The following COL23A1 variants were observed in gnomAD, a reference collection of about 807,000 sequenced individuals.
COL23A1 encodes the protein collagen type XXIII alpha 1 chain, also known as collagen alpha-1(XXIII) chain.
A neutral mutation model predicts 99.3 loss-of-function variants in COL23A1; 97 were observed. The ratio of observed to expected loss-of-function variants is 0.98; its 90% CI spans 0.83 to 1.16. The LOEUF is 1.16. Among genes scored for constraint, COL23A1 ranks in the 50% most tolerant of loss-of-function variants. The pLI is 0.00. For synonymous variants in COL23A1, 320 were observed against 308.2 expected, an observed-to-expected ratio of 1.04 and a Z score of -0.40; for missense variants, 762 against 757.4, an observed-to-expected ratio of 1.01 and a Z score of -0.07.
Position 178,272,945 on chromosome 5 carries a change from T to C in COL23A1, c.442-2582A>G, listed in dbSNP as rs114056445. Reference sequence around the variant, plus strand: ...TGTAAGGTACGTGTCATCATCCCCATCTTACGGAGAAGGAAACTGAGGCCC... The same window carrying C: ...TGTAAGGTACGTGTCATCATCCCCACCTTACGGAGAAGGAAACTGAGGCCC... On this transcript the variant is annotated intron_variant, in intron 5 of 28. Coordinates refer to ENST00000390654, the MANE Select transcript of COL23A1 (RefSeq NM_173465.4). Among the ~76,000 whole-genome samples the C allele has an allele frequency of 7.3e-3, 1,109 of 152,202 alleles. 14 individuals carry two copies. Among genetic ancestry groups the C allele is most frequent in the African/African-American group, 0.024 (987 of 41,506 alleles).
Position 178,525,982 on chromosome 5 carries a change from CTTGAAGATG to C in COL23A1, c.361+34691_361+34699del, listed in dbSNP as rs372644595. 7.5e-3 allele frequency among the ~76,000 whole-genome samples: 1,139 copies of C among 152,244 alleles called. 21 individuals are homozygous for C. Among genetic ancestry groups the C allele is most frequent in the African/African-American group, 0.026 (1,069 of 41,476 alleles). ...TAGAGGGAAAGCAAACTCATACAAA[CTTGAAGATG>C]GTAACAGCTTGAGGTAGTCAGCACT... On this transcript the variant is annotated intron_variant, in intron 2 of 28. Coordinates refer to ENST00000390654, the MANE Select transcript of COL23A1 (RefSeq NM_173465.4).
chr5:178,477,079 G>A (rs1036284622), intron 2 of COL23A1, among the ~76,000 whole-genome samples: 3 of 152,224 alleles, frequency 2.0e-5, no homozygotes, highest in Non-Finnish European at 4.4e-5. Flanking sequence ...CAGGGGCTGT[G>A]GAAGGGGCTC....
At chr5:178,381,301 A>G (rs1763369429) in intron 2 of COL23A1, among the ~76,000 whole-genome samples, 1 of 152,210 alleles carries the variant, frequency 6.6e-6, no homozygotes, top group Non-Finnish European at 1.5e-5. Context: ...GCACCAGCCC[A>G]GGGGACCCTG....
intron 2 of COL23A1, among the ~76,000 whole-genome samples, chr5:178,511,749 CCT>C (rs1466089110): frequency 6.6e-6 from 1 of 152,148 alleles, no homozygotes; most frequent in Non-Finnish European, 1.5e-5. Context: ...GAGCCTCCTC[CCT>C]GAGACCATTC....
chr5:178,256,101 C>T (rs752020897), intron 15 of COL23A1, among the ~76,000 whole-genome samples: 8 of 152,032 alleles, frequency 5.3e-5, no homozygotes, highest in Non-Finnish European at 7.4e-5. Context: ...TTGAGGGGAC[C>T]GAGAGAGATC....
chr5:178,301,362 G>A, intron 3 of COL23A1, among the ~76,000 whole-genome samples: 1 of 152,104 alleles, frequency 6.6e-6, no homozygotes, highest in Admixed American at 6.5e-5. Context: ...CTTCAAACAT[G>A]GTTTCCTTTA....
intron 2 of COL23A1, among the ~76,000 whole-genome samples, chr5:178,425,516 TCA>T (rs1195276318): frequency 2.6e-5 from 4 of 152,074 alleles, no homozygotes; most frequent in Non-Finnish European, 5.9e-5. Context: ...CACCTCTGTT[TCA>T]GTTTCCTCAT....
intron 2 of COL23A1, among the ~76,000 whole-genome samples, chr5:178,376,316 T>A (rs1038211053): frequency 6.6e-6 from 1 of 152,234 alleles, no homozygotes; most frequent in Non-Finnish European, 1.5e-5. Context: ...TCGGTGAACA[T>A]GTGAGAAGGA....
At chr5:178,536,302 C>T (rs560551817) in intron 2 of COL23A1, among the ~76,000 whole-genome samples, 7 of 152,380 alleles carry the variant, frequency 4.6e-5, no homozygotes, top group African/African-American at 1.7e-4. Context: ...AGCACCCTGA[C>T]AGACCAGGGG....
In COL23A1 at chr5:178,468,843, A is replaced by G. The variant is rs73803416; in HGVS notation, c.361+91839T>C. On this transcript the variant is annotated intron_variant, in intron 2 of 28. Transcript: ENST00000390654. The surrounding 1 kb of genome is among the most constrained non-coding windows in gnomAD (Gnocchi z 4.2). Reference sequence around the variant, plus strand: ...GCATTCACACTGCTGTGCAGCCATCAGCACCCTCCACCTCCAGGACGTTTT... The same window carrying G: ...GCATTCACACTGCTGTGCAGCCATCGGCACCCTCCACCTCCAGGACGTTTT... Among the ~76,000 whole-genome samples, 1 of 152,188 alleles carries G rather than the reference A, an allele frequency of 6.6e-6. No homozygotes were observed. Among genetic ancestry groups the G allele is most frequent in the Non-Finnish European group, 1.5e-5 (1 of 68,024 alleles).
chr5:178,543,739 A>G (rs967405158), intron 2 of COL23A1, among the ~76,000 whole-genome samples: 7 of 152,272 alleles, frequency 4.6e-5, no homozygotes, highest in African/African-American at 1.4e-4. Flanking sequence ...TCATGCTGCT[A>G]TAACAAAATA....
intron 1 of COL23A1, among the ~76,000 whole-genome samples, chr5:178,587,800 C>T (rs1297867968): frequency 6.6e-6 from 1 of 152,174 alleles, no homozygotes; most frequent in Non-Finnish European, 1.5e-5. Context: ...TCATTGTTAC[C>T]GGCCAGGCTG....
chr5:178,512,042 T>G (rs2127995275), intron 2 of COL23A1, among the ~76,000 whole-genome samples: 1 of 152,360 alleles, frequency 6.6e-6, no homozygotes. Flanking sequence ...GAGTGTCATT[T>G]GACCCAACAA....
rs1167325884 is a variant in COL23A1 at position 178,307,532 on chromosome 5, CCG to C, written c.362-615_362-614del. On this transcript the variant is annotated intron_variant, in intron 2 of 28. Transcript: ENST00000390654. The surrounding 1 kb of genome is among the most constrained non-coding windows in gnomAD (Gnocchi z 4.2). Reference sequence around the variant, plus strand: ...CTTCCTGTCCACGTCTGTCCTCCATCCGCGCGCTATAAGCCCTTCTGAATTTA... The same window carrying C: ...CTTCCTGTCCACGTCTGTCCTCCATCCGCGCTATAAGCCCTTCTGAATTTA... Among the ~76,000 whole-genome samples, 1 of 152,246 alleles carries C rather than the reference CCG, an allele frequency of 6.6e-6. No homozygotes were observed. Among genetic ancestry groups the C allele is most frequent in the Non-Finnish European group, 1.5e-5 (1 of 68,038 alleles).
In COL23A1 at chr5:178,414,909, C is replaced by T. The variant is rs142132607; in HGVS notation, c.362-107990G>A. Reference sequence around the variant, plus strand: ...TCGAGCCCACCTAGGTAGGTGATGACGTGTGGAGGTGTGGGTAGGGGTGGG... The same window carrying T: ...TCGAGCCCACCTAGGTAGGTGATGATGTGTGGAGGTGTGGGTAGGGGTGGG... On this transcript the variant is annotated intron_variant, in intron 2 of 28. Transcript: ENST00000390654. Among the ~76,000 whole-genome samples the T allele has an allele frequency of 3.8e-3, 571 of 152,082 alleles. 5 individuals carry two copies. Among genetic ancestry groups the T allele is most frequent in the African/African-American group, 0.013 (547 of 41,494 alleles).
intron 2 of COL23A1, among the ~76,000 whole-genome samples, chr5:178,537,917 C>T (rs1157054406): frequency 2.0e-5 from 3 of 152,200 alleles, no homozygotes; most frequent in Non-Finnish European, 4.4e-5. Context: ...AAGCTGTCCC[C>T]GTTCTCCCTG....
intron 2 of COL23A1, among the ~76,000 whole-genome samples, chr5:178,392,550 C>G (rs185621150): frequency 2.0e-5 from 3 of 152,186 alleles, no homozygotes; most frequent in Non-Finnish European, 4.4e-5. Context: ...CACAGAAGCA[C>G]AAAGGGACAG....
chr5:178,437,945 G>A (rs886878019), intron 2 of COL23A1, among the ~76,000 whole-genome samples: 1 of 152,204 alleles, frequency 6.6e-6, no homozygotes, highest in African/African-American at 2.4e-5. Context: ...CCCACCATGG[G>A]CTCAGAGGCC....
rs1269865950 is a variant in COL23A1 at position 178,387,309 on chromosome 5, T to C, written c.362-80390A>G. Among the ~76,000 whole-genome samples the C allele has an allele frequency of 2.0e-5, 3 of 152,042 alleles. No homozygotes were observed. Among genetic ancestry groups the C allele is most frequent in the African/African-American group, 7.3e-5 (3 of 41,378 alleles). On this transcript the variant is annotated intron_variant, in intron 2 of 28. Transcript: ENST00000390654. This position sits in a 1 kb window ranked among gnomAD's most constrained non-coding sequence, Gnocchi z 4.7. ...TCCCCACTTCTCTTCCTCGTCTCCT[T>C]CCACATGCCCTTCAAATGTCCAGCC...
Sources: gnomAD v4.1 joint callset for allele counts (sites outside exome capture counted in the v4.1 genomes callset) on GRCh38, gnomAD v4.1.1 for gene constraint, Gnocchi (gnomAD v3.1) non-coding constraint, MANE v1.5 for transcripts, NCBI Gene and HGNC (gene_info 2026-07-23, HGNC 2026-07-21) for gene names.